The following GPSM1 variants were observed in gnomAD, a reference collection of about 807,000 sequenced individuals.
The protein encoded by GPSM1 is G protein signaling modulator 1.
In GPSM1, 48 loss-of-function variants were observed where a neutral mutation model predicts 70.5. The ratio of observed to expected loss-of-function variants is 0.68; its 90% CI spans 0.54 to 0.87. The LOEUF is 0.87. GPSM1 is among the 40% of genes least tolerant of loss of function. The pLI is 0.00. For missense variants in GPSM1, 981 were observed against 972.6 expected, an observed-to-expected ratio of 1.01 and a Z score of -0.11; for synonymous variants, 416 against 430.1, an observed-to-expected ratio of 0.97 and a Z score of 0.41.
At chr9:136,333,764 G>A (rs1832158253) in intron 1 of GPSM1, among the ~76,000 whole-genome samples, 1 of 152,198 alleles carries the variant, frequency 6.6e-6, no homozygotes, top group Non-Finnish European at 1.5e-5. Flanking sequence ...TGTCCTGGCT[G>A]GCAGCGGCGA....
intron 11 of GPSM1, chr9:136,353,094 G>A (rs1245130399): frequency 1.4e-5 from 14 of 985,494 alleles, no homozygotes; most frequent in South Asian, 9.4e-5. Context: ...TCCTGCCTGC[G>A]CTCTGTGTGG....
At chr9:136,339,623 G>A in intron 7 of GPSM1, 84 bp from the exon 8 acceptor site, 1 of 939,062 alleles carries the variant, frequency 1.1e-6, no homozygotes, top group Middle Eastern at 3.0e-4. Flanking sequence ...GGGTCATGCT[G>A]GGGCCGTGAC....
intron 11 of GPSM1, among the ~76,000 whole-genome samples, chr9:136,352,163 A>ACCAACCAGCCCCTGCCCCTCCC (rs1564355253): frequency 2.9e-5 from 4 of 137,870 alleles, no homozygotes; most frequent in Admixed American, 7.0e-5. Context: ...GCTGTTGGTG[A>ACCAACCAGCCCCTGCCCCTCCC]CACCAATGCT....
chr9:136,357,347 GC>G (rs1232585260), intron 13 of GPSM1, among the ~76,000 whole-genome samples: 1 of 152,198 alleles, frequency 6.6e-6, no homozygotes, highest in Non-Finnish European at 1.5e-5. Context: ...GGAAACCTCG[GC>G]CCGGGGCCAG....
At chr9:136,331,336 C>T (rs1392297589) in intron 1 of GPSM1, among the ~76,000 whole-genome samples, 3 of 143,214 alleles carry the variant, frequency 2.1e-5, no homozygotes, top group South Asian at 2.2e-4. Context: ...GCCCGGCAGA[C>T]GTGGGGCTGG....
rs1283146467 is a variant in GPSM1, at chr9:136,348,825, G to A, written c.1278+58G>A. ...AGCCGCTGCCAGAGCATGGGCAGCGGGGTTAATGAGGCAGAGCCACCGCCA... is the reference window on the plus strand; with the variant it reads ...AGCCGCTGCCAGAGCATGGGCAGCGAGGTTAATGAGGCAGAGCCACCGCCA... On this transcript the variant is annotated intron_variant, in intron 10 of 13. Transcript: ENST00000440944. 36 of 1,332,996 alleles carry A rather than the reference G, an allele frequency of 2.7e-5. No individual in the cohort carries two copies. The Admixed American group carries it at 6.3e-4, about 23-fold the overall frequency. The allele number at this position is 1,332,996 out of a possible 1,614,324, so 82.6% of individuals were successfully genotyped here.
intron 11 of GPSM1, among the ~76,000 whole-genome samples, chr9:136,353,556 GC>G (rs1214594862): frequency 6.6e-6 from 1 of 152,190 alleles, no homozygotes; most frequent in Non-Finnish European, 1.5e-5. Flanking sequence ...GTGGGCCCCT[GC>G]CCCCATGTGA....
chr9:136,332,312 G>A (rs956600080), intron 1 of GPSM1: 3 of 397,526 alleles, frequency 7.5e-6, no homozygotes, highest in Non-Finnish European at 1.3e-5. Flanking sequence ...CAGATTGGAG[G>A]TGCAGAATGA....
chr9:136,339,673 G>C (rs143498173), intron 7 of GPSM1, 34 bp from the exon 8 acceptor site: 1 of 1,409,882 alleles, frequency 7.1e-7, no homozygotes. Context: ...GGCCTGGAGA[G>C]GGCGGGTATG....
chr9:136,329,288 C>T (rs28687338), intron 1 of GPSM1, among the ~76,000 whole-genome samples: 2 of 152,046 alleles, frequency 1.3e-5, no homozygotes, highest in Admixed American at 6.5e-5. Flanking sequence ...GGGCCTGTGA[C>T]GAGGTCCCCC....
In GPSM1 at chr9:136,341,865, AGT is replaced by A. The variant is rs771747964; in HGVS notation, c.1207+875_1207+876del. 4 of 750,604 alleles carry A rather than the reference AGT, an allele frequency of 5.3e-6. No individual in the cohort carries two copies. Among genetic ancestry groups the A allele is most frequent in the Non-Finnish European group, 6.5e-6 (4 of 615,262 alleles). 46.5% of individuals were successfully genotyped at this position (750,604 alleles called of 1,614,324 possible). On this transcript the variant is annotated intron_variant, in intron 9 of 13. Transcript: ENST00000440944. The surrounding 1 kb of genome is among the most constrained non-coding windows in gnomAD (Gnocchi z 6.7). ...AGGGCCTCACTATGTTGCCCAGGCC[AGT>A]GTCAAACTCCCAGCCTCAAGCGATC...
rs1217781602 is a variant in GPSM1 at position 136,327,656 on chromosome 9, C to CG, written c.-34dup. On this transcript the variant is annotated 5_prime_UTR_variant, in exon 1 of 14. Transcript: ENST00000440944. ...GGGCAGGGGGCGGACGGCCACGGCG[C>CG]GGGGGGCGCTCCCGGCTCCCGCTCC... The CG allele has an allele frequency of 3.3e-5, 25 of 759,924 alleles. No homozygotes were observed. Among genetic ancestry groups the CG allele is most frequent in the South Asian group, 6.1e-5 (1 of 16,516 alleles). The allele number at this position is 759,924 out of a possible 1,614,324, so 47.1% of individuals were successfully genotyped here.
chr9:136,338,038 C>G, intron 6 of GPSM1, 77 bp downstream of exon 6: 1 of 947,050 alleles, frequency 1.1e-6, no homozygotes, highest in Admixed American at 2.3e-5. Context: ...GTGCCCGCCC[C>G]AAGCTGGGAA....
intron 10 of GPSM1, among the ~76,000 whole-genome samples, chr9:136,349,293 A>G (rs561826210): frequency 6.6e-6 from 1 of 152,288 alleles, no homozygotes; most frequent in South Asian, 2.1e-4. Flanking sequence ...TCAGTTGTGG[A>G]TGGCCGTCAG....
At chr9:136,352,443 C>G (rs1554772301) in intron 11 of GPSM1, among the ~76,000 whole-genome samples, 1 of 152,184 alleles carries the variant, frequency 6.6e-6, no homozygotes, top group East Asian at 1.9e-4. Context: ...TGGGTGTGGT[C>G]TGGGGGTCCA....
chr9:136,331,547 A>G (rs1554768489), intron 1 of GPSM1, among the ~76,000 whole-genome samples: 2 of 152,126 alleles, frequency 1.3e-5, no homozygotes, highest in East Asian at 3.9e-4. Flanking sequence ...CTGGGGGAAG[A>G]GGTGCTGGGC....
intron 11 of GPSM1, among the ~76,000 whole-genome samples, chr9:136,352,824 T>G (rs1832707943): frequency 6.6e-6 from 1 of 152,230 alleles, no homozygotes; most frequent in South Asian, 2.1e-4. Context: ...AGCCCTCCAG[T>G]GTGCCCGCCC....
intron 3 of GPSM1, 104 bp from the exon 4 acceptor site, chr9:136,336,817 C>A: frequency 8.5e-7 from 1 of 1,181,820 alleles, no homozygotes; most frequent in Non-Finnish European, 1.2e-6. Flanking sequence ...CCCCCAAGGC[C>A]CTCGCTGTCG....
rs201025378 is a variant in GPSM1 at position 136,340,845 on chromosome 9, C to G, written c.1084-25C>G. ...AGCAGGGCCCCCAGCCACACCTGCC[C>G]GCTCCGCCACCCCACTCGCCGCAGA... On this transcript the variant is annotated intron_variant, in intron 8 of 13. Transcript: ENST00000440944. This position sits in a 1 kb window ranked among gnomAD's most constrained non-coding sequence, Gnocchi z 7.3. The G allele has an allele frequency of 3.2e-6, 5 of 1,546,502 alleles. No homozygotes were observed. The East Asian group carries it at 1.2e-4, about 37-fold the overall frequency.
Sources: allele counts gnomAD v4.1 joint callset (sites outside exome capture counted in the v4.1 genomes callset), GRCh38; gene constraint gnomAD v4.1.1; non-coding constraint Gnocchi (gnomAD v3.1); transcripts MANE v1.5; gene names NCBI Gene and HGNC (gene_info 2026-07-23, HGNC 2026-07-21).